VWA3B: variants seen among roughly 807,000 people sequenced by gnomAD.
VWA3B encodes von Willebrand factor A domain-containing protein 3B.
Under a neutral mutation model 158.3 loss-of-function variants are expected in VWA3B, and 138 were observed. The observed-to-expected ratio is 0.87, with a 90% CI of 0.76 to 1.00. The LOEUF (loss-of-function observed/expected upper bound fraction) is 1.00, where lower values mean the gene tolerates loss of function less well. Ranked by LOEUF, VWA3B falls within the 50% of genes least tolerant of loss-of-function variation. VWA3B has a pLI of 0.00. For missense variants in VWA3B, 1,555 were observed against 1,565.1 expected (o/e 0.99, Z 0.11); for synonymous variants, 596 against 587.3 (o/e 1.01, Z -0.21).
chr2:98,126,714 T>A (rs898987288), intron 5 of VWA3B, among the ~76,000 whole-genome samples: 5 of 152,226 alleles, frequency 3.3e-5, no homozygotes, highest in Non-Finnish European at 4.4e-5. Context: ...CCTCAGTCTT[T>A]TACTGCTCGA....
At chr2:98,200,948 G>A (rs1457038189) in intron 12 of VWA3B, among the ~76,000 whole-genome samples, 5 of 152,172 alleles carry the variant, frequency 3.3e-5, no homozygotes, top group Non-Finnish European at 2.9e-5. Flanking sequence ...GACTATATCC[G>A]TGTGGGTCTA....
intron 22 of VWA3B, among the ~76,000 whole-genome samples, chr2:98,281,494 G>A (rs1353905738): frequency 6.6e-6 from 1 of 152,180 alleles, no homozygotes; most frequent in Non-Finnish European, 1.5e-5. Flanking sequence ...TTTAGGGCAG[G>A]AAAAGTATTT....
chr2:98,212,424 C>T (rs538403628), intron 13 of VWA3B, among the ~76,000 whole-genome samples: 141 of 152,302 alleles, frequency 9.3e-4, no homozygotes, highest in African/African-American at 3.1e-3. Context: ...GGCTTTACCT[C>T]TAAGGCTTAG....
At chr2:98,212,785 G>C (rs1558681432) in intron 13 of VWA3B, among the ~76,000 whole-genome samples, 1 of 150,540 alleles carries the variant, frequency 6.6e-6, no homozygotes, top group Admixed American at 6.7e-5. Flanking sequence ...CAGAACGGGA[G>C]TGTGTAAAGT....
Position 98,312,004 on chromosome 2 carries a change from C to T in VWA3B, c.3707C>T (p.Ser1236Phe). The change falls in exon 27 of 28, where the codon TCC becomes TTC. Residue 1236 changes from serine to phenylalanine, a missense_variant. Physicochemically the swap from Ser to Phe is radical, Grantham distance 155. Transcript: ENST00000477737. ...TCCCACGGCATCAGCTCCCATGGGTCCTGCCAGGGGACACACCCCGAGCCC... is the reference window on the plus strand; with the variant it reads ...TCCCACGGCATCAGCTCCCATGGGTTCTGCCAGGGGACACACCCCGAGCCC... ...GSSHGISSHG[S>F]CQGTHPEPRT... is the part of the protein sequence containing the mutation. The T allele has an allele frequency of 6.2e-7, 1 of 1,601,932 alleles. No homozygotes were observed. Among genetic ancestry groups the T allele is most frequent in the South Asian group, 1.1e-5 (1 of 89,064 alleles).
At chr2:98,207,084 T>C (rs1480756860) in intron 12 of VWA3B, 1 of 515,968 alleles carries the variant, frequency 1.9e-6, no homozygotes. Context: ...ACTTCACCCA[T>C]GCTGGCTCAA....
At chr2:98,322,205 C>A in the VWA3B span, among the ~76,000 whole-genome samples, 1 of 152,098 alleles carries the variant, frequency 6.6e-6, no homozygotes, top group African/African-American at 2.4e-5. Context: ...TTTAAAGGCA[C>A]AATAAAATGC....
intron 2 of VWA3B, among the ~76,000 whole-genome samples, chr2:98,110,242 A>C (rs901418548): frequency 6.6e-6 from 1 of 151,600 alleles, no homozygotes; most frequent in Non-Finnish European, 1.5e-5. Context: ...AGATTGGGTA[A>C]TTTTTATTGT....
intron 2 of VWA3B, among the ~76,000 whole-genome samples, chr2:98,106,131 G>T (rs1440194784): frequency 6.6e-6 from 1 of 152,006 alleles, no homozygotes; most frequent in African/African-American, 2.4e-5. Flanking sequence ...TAGCCAGTAT[G>T]GTCTCGATCT....
intron 4 of VWA3B, among the ~76,000 whole-genome samples, chr2:98,120,637 A>G (rs1330118231): frequency 1.3e-5 from 2 of 152,246 alleles, no homozygotes; most frequent in African/African-American, 2.4e-5. Context: ...CCATGGGGGC[A>G]ATCGGGCCAG....
chr2:98,167,468 AGCTCTAGCTTTCCCTC>A (rs1573964176), intron 8 of VWA3B, among the ~76,000 whole-genome samples: 1 of 152,286 alleles, frequency 6.6e-6, no homozygotes, highest in East Asian at 1.9e-4. Flanking sequence ...AAGAAAGGTG[AGCTCTAGCTTTCCCTC>A]GCTTACTGCC....
intron 8 of VWA3B, among the ~76,000 whole-genome samples, chr2:98,163,728 AG>A: frequency 6.6e-6 from 1 of 152,262 alleles, no homozygotes; most frequent in East Asian, 1.9e-4. Context: ...TGTTAAGGGC[AG>A]GGGGGCTTCT....
chr2:98,237,927 A>T (rs6543419), intron 19 of VWA3B, among the ~76,000 whole-genome samples: 96,947 of 152,012 alleles, frequency 0.64, 31,314 homozygotes, highest in South Asian at 0.84. Context: ...TGATCATTGT[A>T]GCATTTGGAT....
At chr2:98,104,760 A>T (rs749533402) in intron 2 of VWA3B, among the ~76,000 whole-genome samples, 2 of 152,110 alleles carry the variant, frequency 1.3e-5, no homozygotes, top group Non-Finnish European at 2.9e-5. Context: ...TTTGTGCTAA[A>T]TGAATATTTT....
At chr2:98,301,353 G>A (rs1169987433) in intron 25 of VWA3B, among the ~76,000 whole-genome samples, 2 of 151,896 alleles carry the variant, frequency 1.3e-5, no homozygotes. Flanking sequence ...CATTCACTCT[G>A]CTCTTTATTG....
rs1490666535 is a variant in VWA3B, at chr2:98,119,625, G to T, written c.404G>T (p.Gly135Val). 1 of 1,614,110 alleles carries T rather than the reference G, an allele frequency of 6.2e-7. No homozygotes were observed. The highest frequency in any genetic ancestry group is 8.5e-7 in the Non-Finnish European group (1 of 1,180,028). ...ACCAGCAAGAGCCGGCAGATTTTTGGTGTCATCTTGGAACAGTGCGTCACC... is the reference window on the plus strand; with the variant it reads ...ACCAGCAAGAGCCGGCAGATTTTTGTTGTCATCTTGGAACAGTGCGTCACC... The part of the protein sequence containing the change: ...WLTSKSRQIF[G>V]VILEQCVTIV... Residue 135 changes from glycine to valine, a missense_variant, in exon 4 of 28, where the codon GGT becomes GTT. Transcript: ENST00000477737.
intron 9 of VWA3B, among the ~76,000 whole-genome samples, chr2:98,187,122 T>C (rs1272058530): frequency 1.3e-5 from 2 of 152,166 alleles, no homozygotes; most frequent in Non-Finnish European, 2.9e-5. Flanking sequence ...CCTTCTCTCC[T>C]AGCTCACTGT....
intron 19 of VWA3B, among the ~76,000 whole-genome samples, chr2:98,248,883 C>CTT (rs201467379): frequency 0.14 from 3,094 of 22,442 alleles, 124 homozygotes; most frequent in South Asian, 0.18. Context: ...TTCTTTCTTT[C>CTT]TCTCTTTCCT....
At position 98,122,871 on chromosome 2, in the gene VWA3B, G is replaced by C. The variant is rs1244804908; in HGVS notation, c.702+1413G>C. 2.6e-5 allele frequency among the ~76,000 whole-genome samples: 4 copies of C among 152,216 alleles called. No individual in the cohort carries two copies. In the East Asian group the frequency reaches 7.7e-4, roughly 29 times the overall value. On this transcript the variant is annotated intron_variant, in intron 5 of 27. Transcript: ENST00000477737. ...AGTCCTATGGAAGAAAAGGAATCAA[G>C]AAAGAAGCTTCCAGGCACTGATCAT... is the stretch of plus-strand genomic sequence containing the variant.
Sources: allele counts gnomAD v4.1 joint callset (sites outside exome capture counted in the v4.1 genomes callset), GRCh38; gene constraint gnomAD v4.1.1; transcripts MANE v1.5; gene names NCBI Gene and HGNC (gene_info 2026-07-23, HGNC 2026-07-21).